The following CAMK4 variants were observed in gnomAD, a reference collection of about 807,000 sequenced individuals.
CAMK4 encodes calcium/calmodulin-dependent protein kinase type IV.
CAMK4 carries 22 observed loss-of-function variants against 44.9 expected under a neutral mutation model. The ratio of observed to expected loss-of-function variants is 0.49; its 90% confidence interval spans 0.35 to 0.70. The LOEUF is 0.70. CAMK4 is among the 30% of genes least tolerant of loss of function. The probability of loss-of-function intolerance (pLI) is 0.01; values close to 1 mark genes in which losing one functional copy is unlikely to be tolerated. For synonymous variants in CAMK4, 218 were observed against 215.4 expected, an observed-to-expected ratio of 1.01 and a Z score of -0.11; for missense variants, 498 against 586.8, an observed-to-expected ratio of 0.85 and a Z score of 1.56.
At chr5:111,224,308 G>C (rs942609543), upstream of CAMK4, 1 of 926,904 alleles carries the variant, frequency 1.1e-6, no homozygotes, top group Non-Finnish European at 1.4e-6. This position sits in a 1 kb window ranked among gnomAD's most constrained non-coding sequence, Gnocchi z 5.7. Context: ...GCAGAGGCTC[G>C]CCCCCTTCCC....
At chr5:111,420,422 A>G (rs1268907011) in intron 5 of CAMK4, among the ~76,000 whole-genome samples, 1 of 152,078 alleles carries the variant, frequency 6.6e-6, no homozygotes, top group African/African-American at 2.4e-5. Flanking sequence ...CTAATTGAAT[A>G]CCCTTTATTT....
chr5:111,226,583 G>T lies in CAMK4; in HGVS notation c.161+1939G>T, dbSNP rs962081653. Among the ~76,000 whole-genome samples the T allele has an allele frequency of 3.6e-4, 55 of 152,110 alleles. 1 individual carries two copies. The highest frequency in any genetic ancestry group is 1.3e-3 in the African/African-American group (54 of 41,410). ...AACACTTAATATTAGCCTACATTTG[G>T]GCAAAATCATCTAACATAAAGCCTA... On this transcript the variant is annotated intron_variant, in intron 1 of 10. Transcript: ENST00000282356.
At chr5:111,238,291 A>T (rs1195286813) in intron 1 of CAMK4, among the ~76,000 whole-genome samples, 2 of 152,172 alleles carry the variant, frequency 1.3e-5, no homozygotes, top group African/African-American at 4.8e-5. Flanking sequence ...CTCCAAAGGC[A>T]TGTATTGAGA....
intron 1 of CAMK4, among the ~76,000 whole-genome samples, chr5:111,309,300 G>T (rs988556737): frequency 3.3e-5 from 5 of 152,158 alleles, no homozygotes; most frequent in Non-Finnish European, 2.9e-5. Flanking sequence ...GAAAACCTTT[G>T]ACCTGGGTCT....
intron 1 of CAMK4, among the ~76,000 whole-genome samples, chr5:111,262,306 A>G (rs1164120578): frequency 6.6e-6 from 1 of 151,804 alleles, no homozygotes; most frequent in East Asian, 1.9e-4. Flanking sequence ...TTGCGGGAGG[A>G]TGTTAGTGGA....
rs147318815 is a variant in CAMK4 at position 111,383,773 on chromosome 5, A to T, written c.386+6831A>T. On this transcript the variant is annotated intron_variant, in intron 4 of 10. Transcript: ENST00000282356. ...AGTCACCCCGCCCAGCCAAGGGGAG[A>T]TAATTTAAATGTCATCAACTGGAGA... is the stretch of plus-strand genomic sequence containing the variant. 7.9e-5 allele frequency among the ~76,000 whole-genome samples: 12 copies of T among 152,166 alleles called. No homozygotes were observed. In the South Asian group the frequency reaches 8.3e-4, roughly 11 times the overall value.
At chr5:111,259,205 A>G (rs987299947) in intron 1 of CAMK4, among the ~76,000 whole-genome samples, 8 of 152,202 alleles carry the variant, frequency 5.3e-5, no homozygotes, top group African/African-American at 1.9e-4. Context: ...GGGTAAATAC[A>G]TTTAATGTTA....
intron 7 of CAMK4, among the ~76,000 whole-genome samples, chr5:111,463,211 T>C (rs1342622620): frequency 6.6e-6 from 1 of 152,208 alleles, no homozygotes; most frequent in Non-Finnish European, 1.5e-5. Flanking sequence ...TAAATGATTA[T>C]TTACTAATTC....
At chr5:111,362,645 C>T (rs1358339567) in intron 2 of CAMK4, among the ~76,000 whole-genome samples, 1 of 151,974 alleles carries the variant, frequency 6.6e-6, no homozygotes, top group Non-Finnish European at 1.5e-5. Context: ...TGATTTCCTT[C>T]TATCCCTGAC....
At chr5:111,373,477 T>A (rs73788897) in intron 2 of CAMK4, among the ~76,000 whole-genome samples, 4,971 of 152,130 alleles carry the variant, frequency 0.033, 281 homozygotes, top group African/African-American at 0.11. Flanking sequence ...GTTGGAAAAA[T>A]TTTTTTGAGT....
intron 1 of CAMK4, among the ~76,000 whole-genome samples, chr5:111,288,427 T>G (rs1751320618): frequency 6.6e-6 from 1 of 152,196 alleles, no homozygotes; most frequent in South Asian, 2.1e-4. Flanking sequence ...GTACCACCAA[T>G]AGTGTATGAG....
intron 1 of CAMK4, among the ~76,000 whole-genome samples, chr5:111,294,056 A>G (rs980970064): frequency 6.6e-6 from 1 of 152,132 alleles, no homozygotes; most frequent in Non-Finnish European, 1.5e-5. Flanking sequence ...CCTACTTTTT[A>G]AAAATGACTT....
At chr5:111,351,789 G>A (rs903983380) in intron 2 of CAMK4, among the ~76,000 whole-genome samples, 2 of 152,034 alleles carry the variant, frequency 1.3e-5, no homozygotes, top group East Asian at 1.9e-4. Context: ...TGTGAGGTAG[G>A]TGCTATCATT....
chr5:111,311,150 A>T (rs1748185294), intron 1 of CAMK4, among the ~76,000 whole-genome samples: 1 of 152,026 alleles, frequency 6.6e-6, no homozygotes, highest in East Asian at 1.9e-4. Flanking sequence ...CTCTCCCACC[A>T]CCCTTTTTTT....
At chr5:111,259,918 A>C (rs1472705131) in intron 1 of CAMK4, among the ~76,000 whole-genome samples, 1 of 152,200 alleles carries the variant, frequency 6.6e-6, no homozygotes, top group East Asian at 1.9e-4. Context: ...ATCAATCAAA[A>C]GTGACATCGA....
chr5:111,325,239 A>G (rs527841211), intron 1 of CAMK4, among the ~76,000 whole-genome samples: 232 of 152,008 alleles, frequency 1.5e-3, no homozygotes, highest in African/African-American at 5.4e-3. Context: ...TATATGCCAC[A>G]TTTTCTTTAT....
chr5:111,433,311 A>G (rs1468557788), intron 5 of CAMK4, among the ~76,000 whole-genome samples: 1 of 152,208 alleles, frequency 6.6e-6, no homozygotes, highest in Non-Finnish European at 1.5e-5. Flanking sequence ...GGAAGTTGAT[A>G]ATGTCTGTCA....
In CAMK4 at chr5:111,437,273, A is replaced by G. The variant is rs73218012; in HGVS notation, c.460-9413A>G. Among the ~76,000 whole-genome samples the G allele has an allele frequency of 1.5e-3, 225 of 152,380 alleles. 1 individual carries two copies. The highest frequency in any genetic ancestry group is 5.0e-3 in the African/African-American group (207 of 41,598). ...TTTCTATTTTAATATTTTAACTTCT[A>G]TTACAAATGAATAACAACAAATGAA... is the stretch of plus-strand genomic sequence containing the variant. On this transcript the variant is annotated intron_variant, in intron 5 of 10. Coordinates refer to ENST00000282356, the MANE Select transcript of CAMK4 (RefSeq NM_001744.6).
At chr5:111,386,182 C>G (rs900336140) in intron 4 of CAMK4, among the ~76,000 whole-genome samples, 3 of 152,116 alleles carry the variant, frequency 2.0e-5, no homozygotes, top group African/African-American at 7.2e-5. Context: ...AAATGAGAAG[C>G]TGTGATTGAA....
Sources: allele counts gnomAD v4.1 joint callset (sites outside exome capture counted in the v4.1 genomes callset), GRCh38; gene constraint gnomAD v4.1.1; non-coding constraint Gnocchi (gnomAD v3.1); transcripts MANE v1.5; gene names NCBI Gene and HGNC (gene_info 2026-07-23, HGNC 2026-07-21).